The following MTUS2 variants were observed in gnomAD, a reference collection of about 807,000 sequenced individuals.
MTUS2 encodes microtubule-associated tumor suppressor candidate 2.
In MTUS2, 40 loss-of-function variants were observed where a neutral mutation model predicts 114.1. That is an observed-to-expected ratio of 0.35 (90% CI 0.27 to 0.46). The LOEUF is 0.46. Ranked by LOEUF, MTUS2 falls within the 20% of genes least tolerant of loss-of-function variation. The probability of loss-of-function intolerance (pLI) is 1.00; values close to 1 mark genes in which losing one functional copy is unlikely to be tolerated. For missense variants in MTUS2, 1,679 were observed against 1,705.4 expected (o/e 0.98, Z 0.27); for synonymous variants, 688 against 672.0 (o/e 1.02, Z -0.37).
At chr13:29,028,037 A>G (rs939266255) in intron 3 of MTUS2, among the ~76,000 whole-genome samples, 1 of 152,140 alleles carries the variant, frequency 6.6e-6, no homozygotes, top group African/African-American at 2.4e-5. Context: ...GAGTCTCTTC[A>G]TGACAGCTGA....
At chr13:29,344,421 T>A (rs1868464674) in intron 7 of MTUS2, among the ~76,000 whole-genome samples, 1 of 152,170 alleles carries the variant, frequency 6.6e-6, no homozygotes, top group African/African-American at 2.4e-5. Flanking sequence ...TTGTCTTTTT[T>A]AACATTTTGC....
chr13:29,346,081 A>T (rs1165384802), intron 7 of MTUS2, among the ~76,000 whole-genome samples: 1 of 152,198 alleles, frequency 6.6e-6, no homozygotes, highest in East Asian at 1.9e-4. Flanking sequence ...AAATGGACTC[A>T]GAGAGGGTCC....
At chr13:29,316,736 C>T (rs183209803) in intron 6 of MTUS2, among the ~76,000 whole-genome samples, 89 of 152,292 alleles carry the variant, frequency 5.8e-4, no homozygotes, top group Non-Finnish European at 9.0e-4. Flanking sequence ...TTACAAACTC[C>T]GTACCTTCAG....
intron 5 of MTUS2, among the ~76,000 whole-genome samples, chr13:29,230,875 G>T (rs7981178): frequency 0.83 from 125,544 of 152,164 alleles, 51,825 homozygotes; most frequent in East Asian, 0.89. Flanking sequence ...TATTTAGGTG[G>T]GTTGCAGCAT....
chr13:29,171,956 C>G (rs1050287768), intron 5 of MTUS2, among the ~76,000 whole-genome samples: 1 of 152,204 alleles, frequency 6.6e-6, no homozygotes, highest in Non-Finnish European at 1.5e-5. Context: ...CCATGTAGTC[C>G]CATCTAGCCG....
At chr13:29,487,047 T>A (rs559712788) in intron 10 of MTUS2, among the ~76,000 whole-genome samples, 125 of 152,328 alleles carry the variant, frequency 8.2e-4, no homozygotes, top group African/African-American at 2.8e-3. Flanking sequence ...TGGACTGGAC[T>A]GGCTGCACTA....
intron 2 of MTUS2, among the ~76,000 whole-genome samples, chr13:28,954,998 A>G (rs1204161240): frequency 6.6e-6 from 1 of 152,198 alleles, no homozygotes; most frequent in Admixed American, 6.5e-5. Context: ...CTTCCCATGC[A>G]AGAACACTGT....
chr13:29,226,308 T>C (rs946005704), intron 5 of MTUS2, among the ~76,000 whole-genome samples: 1 of 152,230 alleles, frequency 6.6e-6, no homozygotes, highest in African/African-American at 2.4e-5. Flanking sequence ...TACAGTGAAA[T>C]TTAACTGCTA....
chr13:28,840,702 C>G (rs961230558), intron 2 of MTUS2, among the ~76,000 whole-genome samples: 1 of 152,176 alleles, frequency 6.6e-6, no homozygotes, highest in Non-Finnish European at 1.5e-5. Flanking sequence ...TTGGCTCTGC[C>G]TTGTTGGGAT....
At chr13:29,419,080 T>G (rs1050542652) in intron 8 of MTUS2, among the ~76,000 whole-genome samples, 6 of 152,238 alleles carry the variant, frequency 3.9e-5, no homozygotes, top group Non-Finnish European at 8.8e-5. Flanking sequence ...TCACCGTTAT[T>G]CCATACACTT....
intron 5 of MTUS2, among the ~76,000 whole-genome samples, chr13:29,257,115 A>G (rs1044668641): frequency 6.6e-5 from 10 of 152,088 alleles, no homozygotes; most frequent in African/African-American, 1.9e-4. Context: ...TCATCAACCT[A>G]CTGGACCAGG....
At chr13:29,491,664 GTA>G (rs1882103710) in intron 11 of MTUS2, among the ~76,000 whole-genome samples, 1 of 147,950 alleles carries the variant, frequency 6.8e-6, no homozygotes, top group African/African-American at 2.5e-5. Context: ...CATGTAGTGT[GTA>G]TGCGATTGTG....
At chr13:29,236,131 C>T (rs1419482941) in intron 5 of MTUS2, among the ~76,000 whole-genome samples, 1 of 152,026 alleles carries the variant, frequency 6.6e-6, no homozygotes, top group Admixed American at 6.6e-5. Context: ...ACTCTTTCTC[C>T]TCTAATTTAT....
At chr13:29,286,661 T>G (rs71434716) in intron 6 of MTUS2, among the ~76,000 whole-genome samples, 1 of 148,306 alleles carries the variant, frequency 6.7e-6, no homozygotes, top group African/African-American at 2.5e-5. Context: ...TGTCTGTCTG[T>G]CTGTCTGTCT....
chr13:29,457,094 G>A (rs1282285546), intron 9 of MTUS2, among the ~76,000 whole-genome samples: 2 of 150,090 alleles, frequency 1.3e-5, no homozygotes, highest in Admixed American at 6.6e-5. Context: ...GCAGTGAGCC[G>A]AGATCGCGAC....
Position 29,306,749 on chromosome 13 carries a change from T to C in MTUS2, c.2807-17864T>C, listed in dbSNP as rs188446733. ...TTCGACAGACAGCCACATTTTCTCT[T>C]GCATTGCCAGCCGCATCCCTGAGAC... On this transcript the variant is annotated intron_variant, in intron 6 of 15. Coordinates refer to ENST00000612955, the MANE Select transcript of MTUS2 (RefSeq NM_001033602.4). The C allele has an allele frequency of 1.3e-3, 380 of 299,164 alleles. 2 individuals are homozygous for C. The highest frequency in any genetic ancestry group is 9.7e-3 in the East Asian group (123 of 12,718). 18.5% of individuals were successfully genotyped at this position (299,164 alleles called of 1,614,324 possible).
intron 5 of MTUS2, among the ~76,000 whole-genome samples, chr13:29,134,070 C>G (rs1443188132): frequency 6.6e-6 from 1 of 152,124 alleles, no homozygotes; most frequent in East Asian, 1.9e-4. Flanking sequence ...TTCCCTAAGT[C>G]TTGTTATGTT....
intron 5 of MTUS2, among the ~76,000 whole-genome samples, chr13:29,114,905 G>A (rs1027779471): frequency 1.3e-5 from 2 of 152,114 alleles, no homozygotes; most frequent in African/African-American, 4.8e-5. Flanking sequence ...TTTTAAGTAG[G>A]TGCTTAGATA....
chr13:29,406,339 C>CT (rs1212877978), intron 8 of MTUS2, among the ~76,000 whole-genome samples: 3 of 152,162 alleles, frequency 2.0e-5, no homozygotes, highest in Non-Finnish European at 4.4e-5. Context: ...CAAGGTCAGG[C>CT]TGTTGTCAGA....
Sources: allele counts gnomAD v4.1 joint callset (sites outside exome capture counted in the v4.1 genomes callset), GRCh38; gene constraint gnomAD v4.1.1; transcripts MANE v1.5; gene names NCBI Gene and HGNC (gene_info 2026-07-23, HGNC 2026-07-21).